The following CCDC201 variants were observed in gnomAD, a reference collection of about 807,000 sequenced individuals.
The protein encoded by CCDC201 is coiled-coil domain containing 201, also known as coiled-coil domain-containing protein 201.
intron 1 of CCDC201, among the ~76,000 whole-genome samples, chr7:45,870,005 T>A (rs961574446): frequency 1.2e-4 from 19 of 152,030 alleles, no homozygotes; most frequent in Non-Finnish European, 1.3e-4. Context: ...TTATTAGAAA[T>A]GGGGTTTTGC....
chr7:45,863,220 A>T (rs1003656623), intron 2 of CCDC201, 49 bp from the exon 3 acceptor site: 3 of 152,276 alleles, frequency 2.0e-5, no homozygotes, highest in Non-Finnish European at 4.4e-5. Context: ...TCTTTACTGG[A>T]GACAAGCTCT....
At chr7:45,866,251 G>A (rs919420079) in exon 2 of CCDC201, 51 of 156,802 alleles carry the variant, frequency 3.3e-4, no homozygotes, top group Non-Finnish European at 6.2e-4. Context: ...GAGGCCCAGA[G>A]AGTAGAAAGC....
exon 3 of CCDC201, chr7:45,861,354 TA>T (rs1421734086): frequency 6.8e-6 from 1 of 146,954 alleles, no homozygotes; most frequent in Non-Finnish European, 1.5e-5. Flanking sequence ...ATATAAGTTA[TA>T]AAAAAAGAAA....
chr7:45,878,904 T>C, the CCDC201 span, among the ~76,000 whole-genome samples: 1 of 152,278 alleles, frequency 6.6e-6, no homozygotes, highest in Non-Finnish European at 1.5e-5. Context: ...CTGCTTCTCT[T>C]TTAAAAATAA....
the CCDC201 span, among the ~76,000 whole-genome samples, chr7:45,884,262 G>A: frequency 1.3e-5 from 2 of 152,058 alleles, no homozygotes; most frequent in Non-Finnish European, 2.9e-5. Context: ...ACCATGCCTG[G>A]CTAATTATTT....
chr7:45,864,698 C>A (rs1786649982), intron 2 of CCDC201, among the ~76,000 whole-genome samples: 1 of 151,996 alleles, frequency 6.6e-6, no homozygotes, highest in South Asian at 2.1e-4. Context: ...AGCAAGCAAG[C>A]CAGGGTAAAG....
chr7:45,860,028 G>T (rs1033885413), exon 3 of CCDC201: 1 of 166,280 alleles, frequency 6.0e-6, no homozygotes, highest in Non-Finnish European at 1.3e-5. Context: ...TCACCTGGGT[G>T]CAGGCAGTCT....
exon 1 of CCDC201, chr7:45,873,064 G>C (rs1413962482): frequency 1.3e-5 from 2 of 152,336 alleles, no homozygotes; most frequent in Non-Finnish European, 1.5e-5. Context: ...CCACCCTGTG[G>C]CCCTCAGCAC....
At chr7:45,864,613 C>A (rs1159967261) in intron 2 of CCDC201, among the ~76,000 whole-genome samples, 1 of 152,106 alleles carries the variant, frequency 6.6e-6, no homozygotes, top group Non-Finnish European at 1.5e-5. Flanking sequence ...GGCACAGCCA[C>A]AGGACAGCAG....
chr7:45,879,071 A>T, the CCDC201 span, among the ~76,000 whole-genome samples: 1 of 152,236 alleles, frequency 6.6e-6, no homozygotes, highest in Non-Finnish European at 1.5e-5. Flanking sequence ...TCCCTCGAGC[A>T]GGGGCAAAAT....
At chr7:45,873,663 C>T (rs1048218405), upstream of CCDC201, among the ~76,000 whole-genome samples, 3 of 152,170 alleles carry the variant, frequency 2.0e-5, no homozygotes, top group Non-Finnish European at 2.9e-5. Context: ...AACCACTGCA[C>T]GAATGAAAGG....
the CCDC201 span, among the ~76,000 whole-genome samples, chr7:45,881,625 G>C: frequency 6.6e-6 from 1 of 152,222 alleles, no homozygotes; most frequent in South Asian, 2.1e-4. Context: ...CACCTGAGCA[G>C]CCTTGATGCG....
upstream of CCDC201, among the ~76,000 whole-genome samples, chr7:45,877,974 T>TG (rs1158721297): frequency 6.6e-6 from 1 of 152,128 alleles, no homozygotes; most frequent in African/African-American, 2.4e-5. Context: ...CAAGATACAA[T>TG]GGGGGTACAG....
At chr7:45,882,874 A>G in the CCDC201 span, among the ~76,000 whole-genome samples, 3 of 152,106 alleles carry the variant, frequency 2.0e-5, no homozygotes, top group Non-Finnish European at 4.4e-5. Context: ...TACCCCAAAC[A>G]ACTGTTCATC....
upstream of CCDC201, among the ~76,000 whole-genome samples, chr7:45,873,920 C>CTTTTTTTTTTTTTTTTTTTTTTTATTTTT (rs201948561): frequency 8.2e-6 from 1 of 121,408 alleles, no homozygotes; most frequent in Admixed American, 8.3e-5. Flanking sequence ...CATTTACTTA[C>CTTTTTTTTTTTTTTTTTTTTTTTATTTTT]TTTTTTTTTT....
the CCDC201 span, among the ~76,000 whole-genome samples, chr7:45,879,550 G>A: frequency 6.6e-6 from 1 of 152,158 alleles, no homozygotes; most frequent in South Asian, 2.1e-4. Context: ...CCATCTTCAC[G>A]TGGCAGAGTG....
chr7:45,884,390 G>A, the CCDC201 span, among the ~76,000 whole-genome samples: 5 of 152,270 alleles, frequency 3.3e-5, no homozygotes, highest in South Asian at 1.0e-3. Context: ...GAGCCACTTT[G>A]CCTGACTCAG....
upstream of CCDC201, among the ~76,000 whole-genome samples, chr7:45,875,352 A>C (rs956936617): frequency 1.3e-5 from 2 of 151,134 alleles, no homozygotes; most frequent in Non-Finnish European, 2.9e-5. Flanking sequence ...AAAATTAGCC[A>C]GGCATGGTGG....
chr7:45,879,214 A>G, the CCDC201 span, among the ~76,000 whole-genome samples: 1 of 152,196 alleles, frequency 6.6e-6, no homozygotes, highest in Non-Finnish European at 1.5e-5. Flanking sequence ...GGTCACAACT[A>G]TCTGAAAAGT....
Sources: allele counts gnomAD v4.1 joint callset (sites outside exome capture counted in the v4.1 genomes callset), GRCh38; gene constraint gnomAD v4.1.1; transcripts MANE v1.5; gene names NCBI Gene and HGNC (gene_info 2026-07-23, HGNC 2026-07-21).